The following NLRP1 variants were observed in gnomAD, a reference collection of about 807,000 sequenced individuals.
NLRP1 encodes NACHT, LRR and PYD domains-containing protein 1.
NLRP1 carries 94 observed loss-of-function variants against 136.7 expected under a neutral mutation model. The observed-to-expected ratio is 0.69, with a 90% CI of 0.58 to 0.82. NLRP1 has a LOEUF of 0.82. Among genes scored for constraint, NLRP1 ranks in the 40% least tolerant of loss-of-function variants. NLRP1 has a pLI of 0.00. For synonymous variants in NLRP1, 690 were observed against 725.1 expected (o/e 0.95, Z 0.78); for missense variants, 1,575 against 1,802.7 (o/e 0.87, Z 2.29).
intron 12 of NLRP1, among the ~76,000 whole-genome samples, chr17:5,527,732 G>A (rs1053266964): frequency 3.3e-5 from 5 of 152,230 alleles, no homozygotes; most frequent in African/African-American, 1.2e-4. Context: ...GTGCCACAAA[G>A]GACAGTGCCA....
downstream of NLRP1, among the ~76,000 whole-genome samples, chr17:5,511,042 C>T (rs1265812009): frequency 6.6e-6 from 1 of 151,728 alleles, no homozygotes; most frequent in Non-Finnish European, 1.5e-5. Context: ...CATCTGAAAA[C>T]CTGTTTCAAG....
At chr17:5,553,798 G>A (rs189482937) in intron 4 of NLRP1, among the ~76,000 whole-genome samples, 220 of 151,678 alleles carry the variant, frequency 1.5e-3, no homozygotes, top group African/African-American at 5.0e-3. Context: ...TGTTCACCTT[G>A]TGTGTCTGTT....
Position 5,541,841 on chromosome 17 carries a change from CA to C in NLRP1, c.2699+15del. On this transcript the variant is annotated intron_variant, in intron 6 of 16. Coordinates refer to ENST00000572272, the MANE Select transcript of NLRP1 (RefSeq NM_033004.4). The surrounding 1 kb of genome is among the most constrained non-coding windows in gnomAD (Gnocchi z 4.2). The stretch of plus-strand genomic sequence containing the variant: ...GCAGTTCCCTCCACCTCCCCCTGCC[CA>C]CCAAGAACAATTACTGCAGTCGCTG... The C allele has an allele frequency of 6.2e-7, 1 of 1,613,046 alleles. No homozygotes were observed. The highest frequency in any genetic ancestry group is 8.5e-7 in the Non-Finnish European group (1 of 1,179,604).
At chr17:5,511,693 G>A (rs981170822), downstream of NLRP1, among the ~76,000 whole-genome samples, 1 of 152,180 alleles carries the variant, frequency 6.6e-6, no homozygotes, top group African/African-American at 2.4e-5. Flanking sequence ...GGGGCTTAGA[G>A]GGTTGGCGGA....
At chr17:5,527,584 C>G (rs757241209) in intron 12 of NLRP1, among the ~76,000 whole-genome samples, 1 of 152,132 alleles carries the variant, frequency 6.6e-6, no homozygotes, top group Non-Finnish European at 1.5e-5. Context: ...CACTGGTACA[C>G]CAAGGGAAAA....
At chr17:5,581,819 C>T (rs1905680708) in intron 3 of NLRP1, 40 bp downstream of exon 3, 1 of 1,542,700 alleles carries the variant, frequency 6.5e-7, no homozygotes, top group Admixed American at 1.7e-5. Context: ...ATTTGCCTCT[C>T]CCACCTCACC....
At chr17:5,576,363 A>G (rs1282131133) in intron 3 of NLRP1, among the ~76,000 whole-genome samples, 2 of 152,214 alleles carry the variant, frequency 1.3e-5, no homozygotes, top group Admixed American at 1.3e-4. Flanking sequence ...GATCAACAAA[A>G]TTGATAGACC....
chr17:5,517,765 C>T lies in NLRP1; in HGVS notation c.4038G>A (p.Trp1346Ter). 2.5e-6 allele frequency: 4 copies of T among 1,614,238 alleles called. No homozygotes were observed. The highest frequency in any genetic ancestry group is 3.4e-6 in the Non-Finnish European group (4 of 1,180,044). ...VKDKKDETLV[W>*]EALVKPGDLM... ...ATTTACCTGGTTTCACCAAGGCCTC[C>T]CACACCAGAGTCTCATCTTTCTTGT... Residue 1346 changes from tryptophan to a stop codon, truncating the protein, a stop_gained, in exon 15 of 17, where the codon TGG (tryptophan) becomes TGA (stop). Coordinates refer to ENST00000572272, the MANE Select transcript of NLRP1 (RefSeq NM_033004.4). LOFTEE classifies it high-confidence loss of function.
chr17:5,551,293 C>A (rs1375143522), intron 5 of NLRP1, among the ~76,000 whole-genome samples: 1 of 152,098 alleles, frequency 6.6e-6, no homozygotes, highest in East Asian at 1.9e-4. Context: ...AGCATGTAGC[C>A]TTTTTAGATT....
chr17:5,512,094 A>C (rs923785084), downstream of NLRP1: 5 of 746,196 alleles, frequency 6.7e-6, no homozygotes, highest in African/African-American at 8.6e-5. Flanking sequence ...GTTTTGGTGC[A>C]TCCACAATGT....
At chr17:5,529,151 T>C (rs943139200) in intron 12 of NLRP1, among the ~76,000 whole-genome samples, 1 of 152,200 alleles carries the variant, frequency 6.6e-6, no homozygotes, top group Non-Finnish European at 1.5e-5. Context: ...GAGACTAATC[T>C]TGATTTTTTC....
intron 4 of NLRP1, among the ~76,000 whole-genome samples, chr17:5,554,286 A>G (rs1186413609): frequency 6.6e-6 from 1 of 152,184 alleles, no homozygotes; most frequent in Non-Finnish European, 1.5e-5. Flanking sequence ...GTGTTAGAGT[A>G]GACTCCGACT....
chr17:5,523,325 A>G (rs1340204768), intron 12 of NLRP1, among the ~76,000 whole-genome samples: 1 of 152,082 alleles, frequency 6.6e-6, no homozygotes, highest in African/African-American at 2.4e-5. Context: ...AATACCAGAA[A>G]GAAAGAAAAA....
chr17:5,546,687 G>C (rs1334653922), intron 5 of NLRP1, among the ~76,000 whole-genome samples: 6 of 152,166 alleles, frequency 3.9e-5, no homozygotes, highest in Non-Finnish European at 7.4e-5. Flanking sequence ...ACTTGTGGGT[G>C]AAATATTAAA....
At chr17:5,544,573 C>G (rs557994039) in intron 5 of NLRP1, among the ~76,000 whole-genome samples, 1 of 152,270 alleles carries the variant, frequency 6.6e-6, no homozygotes, top group East Asian at 1.9e-4. Flanking sequence ...CTTTGAGGGT[C>G]TGGACAAACA....
intron 12 of NLRP1, among the ~76,000 whole-genome samples, chr17:5,525,574 T>C (rs1328630508): frequency 1.3e-5 from 2 of 152,110 alleles, no homozygotes; most frequent in South Asian, 2.1e-4. Context: ...AGGGGCACAG[T>C]GGCTCTCCTA....
intron 6 of NLRP1, among the ~76,000 whole-genome samples, chr17:5,540,908 T>C (rs1289640376): frequency 3.3e-5 from 5 of 152,040 alleles, no homozygotes; most frequent in Admixed American, 3.3e-4. Context: ...AACAAGGATA[T>C]TTCAGGGCTT....
In NLRP1 at chr17:5,559,555, C is replaced by T. The variant is rs551349608; in HGVS notation, c.1141G>A (p.Ala381Thr). The T allele has an allele frequency of 8.1e-6, 13 of 1,614,056 alleles. No homozygotes were observed. The highest frequency in any genetic ancestry group is 2.2e-5 in the East Asian group (1 of 44,896). The change falls in exon 4 of 17, where the codon GCT (alanine) becomes ACT (threonine). Residue 381 changes from alanine (A) to threonine (T), a missense_variant. By Grantham distance (58) the Ala-to-Thr change is moderately conservative (BLOSUM62 0). Transcript: ENST00000572272. ...ELAQSKVVSL[A>T]ELIGKDGTAT... ...GTCCCATCTTTTCCGATGAGCTCAGCGAGACTCACCACCTTGGACTGGGCC... is the reference window on the plus strand; with the variant it reads ...GTCCCATCTTTTCCGATGAGCTCAGTGAGACTCACCACCTTGGACTGGGCC...
At chr17:5,530,775 A>G (rs905326915) in intron 11 of NLRP1, 71 bp from the exon 12 acceptor site, 93 of 1,204,216 alleles carry the variant, frequency 7.7e-5, no homozygotes, top group Non-Finnish European at 1.0e-4. Flanking sequence ...GCCAGACCCC[A>G]TGCAGGGGCT....
Sources: gnomAD v4.1 joint callset for allele counts (sites outside exome capture counted in the v4.1 genomes callset) on GRCh38, gnomAD v4.1.1 for gene constraint, Gnocchi (gnomAD v3.1) non-coding constraint, MANE v1.5 for transcripts, NCBI Gene and HGNC (gene_info 2026-07-23, HGNC 2026-07-21) for gene names.